Variants in MYRIP observed in about 807,000 individuals in gnomAD.
MYRIP encodes rab effector MyRIP.
A neutral mutation model predicts 98.0 loss-of-function variants in MYRIP; 49 were observed. The observed-to-expected ratio is 0.50, with a 90% CI of 0.40 to 0.63. MYRIP has a LOEUF of 0.63. Ranked by LOEUF, MYRIP falls within the 30% of genes least tolerant of loss-of-function variation. The pLI is 0.00. For synonymous variants in MYRIP, 404 were observed against 409.5 expected (o/e 0.99, Z 0.16); for missense variants, 1,004 against 1,058.2 (o/e 0.95, Z 0.71).
chr3:39,836,596 C>T (rs927218584), intron 1 of MYRIP, among the ~76,000 whole-genome samples: 5 of 152,120 alleles, frequency 3.3e-5, no homozygotes, highest in Non-Finnish European at 5.9e-5. Context: ...CCCTTGCAGA[C>T]CCCTGACCCG....
In MYRIP at chr3:40,107,921, A is replaced by G. The variant is rs76960362; in HGVS notation, c.333-43127A>G. 5.2e-3 allele frequency among the ~76,000 whole-genome samples: 786 copies of G among 152,324 alleles called. 6 individuals are homozygous for G. Among genetic ancestry groups the G allele is most frequent in the African/African-American group, 0.017 (726 of 41,574 alleles). ...TCACAAAGCATTCTGCTATTATCCC[A>G]AGTTAATTGGGAGTCATCTTTCTAA... On this transcript the variant is annotated intron_variant, in intron 3 of 16. Coordinates refer to ENST00000302541, the MANE Select transcript of MYRIP (RefSeq NM_015460.4).
intron 2 of MYRIP, among the ~76,000 whole-genome samples, chr3:39,993,029 C>T (rs1946219911): frequency 6.6e-6 from 1 of 152,088 alleles, no homozygotes; most frequent in African/African-American, 2.4e-5. Flanking sequence ...AACAGAATAC[C>T]ACAGACTGGA....
chr3:39,979,705 T>C (rs1287483433), intron 2 of MYRIP, among the ~76,000 whole-genome samples: 1 of 151,004 alleles, frequency 6.6e-6, no homozygotes, highest in Non-Finnish European at 1.5e-5. Context: ...GCAGTTGTGG[T>C]CAAAGGAACC....
At chr3:39,904,982 A>C (rs1432343155) in intron 2 of MYRIP, among the ~76,000 whole-genome samples, 3 of 152,142 alleles carry the variant, frequency 2.0e-5, no homozygotes, top group African/African-American at 7.2e-5. Context: ...ACTTATTTAC[A>C]AATTCAGTAG....
intron 1 of MYRIP, among the ~76,000 whole-genome samples, chr3:39,841,999 G>A (rs1439490814): frequency 1.3e-5 from 2 of 152,156 alleles, no homozygotes; most frequent in Admixed American, 6.5e-5. Flanking sequence ...TGGGAGATTC[G>A]CTGATCTCTT....
At chr3:40,131,418 T>C (rs1189789613) in intron 3 of MYRIP, among the ~76,000 whole-genome samples, 2 of 152,242 alleles carry the variant, frequency 1.3e-5, no homozygotes, top group Non-Finnish European at 2.9e-5. Flanking sequence ...TTTCACAGCC[T>C]GTGAGGTAGA....
intron 7 of MYRIP, among the ~76,000 whole-genome samples, chr3:40,168,992 C>A (rs1950556349): frequency 6.6e-6 from 1 of 152,222 alleles, no homozygotes; most frequent in Admixed American, 6.5e-5. Context: ...CCAAATGTCT[C>A]ATCCAATCAC....
chr3:40,221,936 T>A (rs1001698494), intron 11 of MYRIP, among the ~76,000 whole-genome samples: 3 of 152,172 alleles, frequency 2.0e-5, no homozygotes, highest in African/African-American at 7.2e-5. Flanking sequence ...GGAGTTCAGA[T>A]AACAGATGGG....
chr3:40,197,898 C>T (rs973642317), intron 10 of MYRIP, among the ~76,000 whole-genome samples: 5 of 152,172 alleles, frequency 3.3e-5, no homozygotes, highest in African/African-American at 1.2e-4. Context: ...ATATCTAATG[C>T]CCACAAATAA....
At chr3:39,875,679 A>C (rs1251591023) in intron 1 of MYRIP, among the ~76,000 whole-genome samples, 1 of 150,774 alleles carries the variant, frequency 6.6e-6, no homozygotes, top group African/African-American at 2.5e-5. Flanking sequence ...CCTGAGTTCT[A>C]GTTTGATTGC....
At chr3:40,040,422 G>A (rs1329449420) in intron 2 of MYRIP, among the ~76,000 whole-genome samples, 5 of 112,358 alleles carry the variant, frequency 4.5e-5, no homozygotes, top group South Asian at 3.7e-4. Context: ...TCAGTGTGGC[G>A]ATTCCTCAGG....
chr3:40,036,592 G>A (rs1947391273), intron 2 of MYRIP, among the ~76,000 whole-genome samples: 1 of 151,988 alleles, frequency 6.6e-6, no homozygotes, highest in African/African-American at 2.4e-5. Flanking sequence ...AGCTTCTGTT[G>A]GACCAACACT....
intron 2 of MYRIP, among the ~76,000 whole-genome samples, chr3:40,043,563 CAT>C (rs1191486115): frequency 4.6e-5 from 7 of 152,090 alleles, no homozygotes; most frequent in Non-Finnish European, 8.8e-5. Context: ...CTTATTAACT[CAT>C]ATAGATTTGA....
At chr3:40,113,467 A>T (rs1327034388) in intron 3 of MYRIP, among the ~76,000 whole-genome samples, 1 of 152,018 alleles carries the variant, frequency 6.6e-6, no homozygotes, top group Non-Finnish European at 1.5e-5. Flanking sequence ...TATTAAAAAG[A>T]CCTCAGTCCA....
chr3:40,108,389 C>T (rs1949095632), intron 3 of MYRIP, among the ~76,000 whole-genome samples: 1 of 150,148 alleles, frequency 6.7e-6, no homozygotes, highest in Non-Finnish European at 1.5e-5. Context: ...AGAAGAGATG[C>T]CAGCTGACAC....
At chr3:39,959,908 T>G (rs2125731274) in intron 2 of MYRIP, among the ~76,000 whole-genome samples, 1 of 152,122 alleles carries the variant, frequency 6.6e-6, no homozygotes, top group African/African-American at 2.4e-5. Flanking sequence ...CCTTATCAAC[T>G]TAGTGCCCCC....
chr3:40,122,178 G>A (rs1949418318), intron 3 of MYRIP, among the ~76,000 whole-genome samples: 1 of 151,894 alleles, frequency 6.6e-6, no homozygotes, highest in African/African-American at 2.4e-5. Context: ...CAGAAAGTGT[G>A]ATGCACATAA....
At chr3:40,113,815 G>A (rs773496366) in intron 3 of MYRIP, among the ~76,000 whole-genome samples, 31 of 151,998 alleles carry the variant, frequency 2.0e-4, no homozygotes, top group East Asian at 3.9e-4. Context: ...TCAGCCTCCC[G>A]AGTAGCTGGA....
chr3:39,972,722 G>T (rs1052456127), intron 2 of MYRIP, among the ~76,000 whole-genome samples: 9 of 152,002 alleles, frequency 5.9e-5, no homozygotes, highest in African/African-American at 1.7e-4. Flanking sequence ...AATAGAAACA[G>T]GTGTTGCACT....
Sources: gnomAD v4.1 joint callset for allele counts (sites outside exome capture counted in the v4.1 genomes callset) on GRCh38, gnomAD v4.1.1 for gene constraint, MANE v1.5 for transcripts, NCBI Gene and HGNC (gene_info 2026-07-23, HGNC 2026-07-21) for gene names.